The following BTC variants were observed in gnomAD, a reference collection of about 807,000 sequenced individuals.
The protein encoded by BTC is probetacellulin.
In BTC, 13 loss-of-function variants were observed where a neutral mutation model predicts 18.1. The observed-to-expected ratio is 0.72, with a 90% confidence interval of 0.47 to 1.14. The LOEUF (loss-of-function observed/expected upper bound fraction) is 1.14, where lower values mean the gene tolerates loss of function less well. BTC is among the 50% of genes most tolerant of loss of function. The probability of loss-of-function intolerance (pLI) is 0.00; values close to 1 mark genes in which losing one functional copy is unlikely to be tolerated. For synonymous variants in BTC, 83 were observed against 79.4 expected (o/e 1.05, Z -0.24); for missense variants, 247 against 224.2 (o/e 1.10, Z -0.65).
intron 3 of BTC, among the ~76,000 whole-genome samples, 199 bp downstream of exon 3, chr4:74,755,660 T>C (rs1170396188): frequency 6.6e-6 from 1 of 152,198 alleles, no homozygotes; most frequent in Non-Finnish European, 1.5e-5. Context: ...CACATACTCA[T>C]GTTTCAGGAG....
chr4:74,759,159 T>C (rs1394897960), intron 2 of BTC, among the ~76,000 whole-genome samples: 5 of 152,100 alleles, frequency 3.3e-5, no homozygotes, highest in Admixed American at 3.3e-4. Flanking sequence ...GACCTGATAA[T>C]ATAGGGCACG....
chr4:74,789,934 T>G (rs1026614353), intron 1 of BTC, among the ~76,000 whole-genome samples: 1 of 152,228 alleles, frequency 6.6e-6, no homozygotes, highest in African/African-American at 2.4e-5. Context: ...CTTCATTGCA[T>G]GAAATTAGGA....
At chr4:74,750,010 C>T (rs895323535) in intron 4 of BTC, among the ~76,000 whole-genome samples, 1 of 151,184 alleles carries the variant, frequency 6.6e-6, no homozygotes, top group Non-Finnish European at 1.5e-5. Context: ...GTATGAGGAT[C>T]GCTTAAGGCC....
In BTC at chr4:74,755,834, T is replaced by G. The variant is rs781810547; in HGVS notation, c.281+25A>C. On this transcript the variant is annotated intron_variant, in intron 3 of 5. Coordinates refer to ENST00000395743, the MANE Select transcript of BTC (RefSeq NM_001729.4). ...GGGCACCATTCTGCACCCTTTTGCT[T>G]GCTGGCTGAGGACACTCCACTTACA... 14 of 1,607,630 alleles carry G rather than the reference T, an allele frequency of 8.7e-6. No individual in the cohort carries two copies. In the East Asian group the frequency reaches 2.9e-4, roughly 33 times the overall value.
intron 2 of BTC, 41 bp from the exon 3 acceptor site, chr4:74,756,017 A>T: frequency 7.0e-7 from 1 of 1,431,214 alleles, no homozygotes; most frequent in Non-Finnish European, 9.9e-7. Flanking sequence ...ACTCTCTTTA[A>T]ATATTCACTT....
At chr4:74,752,379 CTT>C (rs5859439) in intron 3 of BTC, among the ~76,000 whole-genome samples, 12 of 133,228 alleles carry the variant, frequency 9.0e-5, no homozygotes, top group African/African-American at 5.5e-5. Context: ...GGGGGAATCA[CTT>C]TTTTTTTTTT....
chr4:74,761,662 T>A (rs909786400), intron 2 of BTC, among the ~76,000 whole-genome samples: 21 of 152,342 alleles, frequency 1.4e-4, no homozygotes, highest in Admixed American at 1.1e-3. Flanking sequence ...CTTATTTCTC[T>A]CTTACACTAC....
At position 74,745,296 on chromosome 4, in the gene BTC, G is replaced by A. The variant is rs1724261147; in HGVS notation, c.*1381C>T. On this transcript the variant is annotated 3_prime_UTR_variant, in exon 6 of 6. Transcript: ENST00000395743. ...GCCCCAGCTTCACTCAAAACACCAT[G>A]GATGCTAGAAGGTAATATGCGATTT... 1 of 152,108 alleles carries A rather than the reference G, an allele frequency of 6.6e-6. No homozygotes were observed. The highest frequency in any genetic ancestry group is 1.5e-5 in the Non-Finnish European group (1 of 68,018). The allele number at this position is 152,108 out of a possible 1,614,324, so 9.4% of individuals were successfully genotyped here. A position where few individuals can be genotyped will look rare whatever the true frequency, so the allele number is the denominator to read the frequency against.
Position 74,794,313 on chromosome 4 carries a change from C to A in BTC, c.13G>T (p.Ala5Ser), listed in dbSNP as rs1010174059. Residue 5 changes from alanine to serine, a missense_variant, in exon 1 of 6, where the codon GCC (alanine) becomes TCC (serine). Ala to Ser is a moderately conservative substitution (Grantham distance 99, BLOSUM62 1). Transcript: ENST00000395743. The stretch of plus-strand genomic sequence containing the variant: ...AGGGAGCTGGCGCCGCTGCACCGGG[C>A]GGCCCGGTCCATCAACCCCGCTCTG... The part of the protein sequence containing the change: MDRA[A>S]RCSGASSLPL... The A allele has an allele frequency of 7.8e-6, 12 of 1,547,234 alleles. No homozygotes were observed. Among genetic ancestry groups the A allele is most frequent in the African/African-American group, 4.1e-5 (3 of 72,986 alleles).
At chr4:74,773,188 G>A (rs1274456412) in intron 1 of BTC, among the ~76,000 whole-genome samples, 1 of 152,176 alleles carries the variant, frequency 6.6e-6, no homozygotes, top group Admixed American at 6.5e-5. Flanking sequence ...TTGAATCAAA[G>A]CAGTTCATAT....
chr4:74,790,563 A>C (rs1725596986), intron 1 of BTC, among the ~76,000 whole-genome samples: 1 of 152,206 alleles, frequency 6.6e-6, no homozygotes, highest in African/African-American at 2.4e-5. Flanking sequence ...GGGTTCTATC[A>C]GGGAGACTAT....
chr4:74,773,640 C>T (rs943131039), intron 1 of BTC, among the ~76,000 whole-genome samples: 5 of 149,664 alleles, frequency 3.3e-5, no homozygotes, highest in African/African-American at 1.2e-4. Flanking sequence ...TAGACAGAGT[C>T]TCACTCTGTT....
chr4:74,793,862 GTT>G (rs1174528871), intron 1 of BTC, among the ~76,000 whole-genome samples: 1 of 152,120 alleles, frequency 6.6e-6, no homozygotes, highest in Non-Finnish European at 1.5e-5. Context: ...TCTTTAGTGG[GTT>G]TCCCTGCTCG....
At chr4:74,758,030 A>G (rs1252810898) in intron 2 of BTC, among the ~76,000 whole-genome samples, 1 of 152,234 alleles carries the variant, frequency 6.6e-6, no homozygotes, top group Non-Finnish European at 1.5e-5. Flanking sequence ...TATAAGTATG[A>G]AGAATGCTGA....
At chr4:74,772,285 A>T (rs1394601338) in intron 1 of BTC, among the ~76,000 whole-genome samples, 2 of 152,168 alleles carry the variant, frequency 1.3e-5, no homozygotes, top group East Asian at 3.9e-4. Flanking sequence ...TCTCTTGTGA[A>T]TTGCAATTTG....
At chr4:74,753,483 T>C (rs1409152740) in intron 3 of BTC, among the ~76,000 whole-genome samples, 5 of 152,210 alleles carry the variant, frequency 3.3e-5, no homozygotes, top group African/African-American at 1.2e-4. Context: ...ATTATGTATC[T>C]GGAAACGAAC....
At chr4:74,787,637 G>A (rs1725514571) in intron 1 of BTC, among the ~76,000 whole-genome samples, 1 of 152,168 alleles carries the variant, frequency 6.6e-6, no homozygotes, top group African/African-American at 2.4e-5. Flanking sequence ...GCTGGGGTCT[G>A]GCACTGCCTA....
intron 1 of BTC, among the ~76,000 whole-genome samples, chr4:74,773,202 A>G (rs1308625800): frequency 6.6e-6 from 1 of 152,154 alleles, no homozygotes; most frequent in African/African-American, 2.4e-5. Context: ...TTCATATTAA[A>G]CCTGAGTTTT....
At chr4:74,780,507 G>T (rs1725289714) in intron 1 of BTC, among the ~76,000 whole-genome samples, 1 of 152,066 alleles carries the variant, frequency 6.6e-6, no homozygotes, top group Non-Finnish European at 1.5e-5. Flanking sequence ...AAATGAGCAG[G>T]GATTTTCCTC....
Sources: allele counts gnomAD v4.1 joint callset (sites outside exome capture counted in the v4.1 genomes callset), GRCh38; gene constraint gnomAD v4.1.1; transcripts MANE v1.5; gene names NCBI Gene and HGNC (gene_info 2026-07-23, HGNC 2026-07-21).